PRDM2: variants seen among roughly 807,000 people sequenced by gnomAD.
PRDM2 encodes the protein PR/SET domain 2, also known as PR domain zinc finger protein 2.
PRDM2 carries 30 observed loss-of-function variants against 130.0 expected under a neutral mutation model. The observed-to-expected ratio is 0.23, with a 90% CI of 0.17 to 0.31. The LOEUF (loss-of-function observed/expected upper bound fraction) is 0.31. PRDM2 is among the 10% of genes least tolerant of loss of function. The pLI is 1.00. For missense variants in PRDM2, 2,011 were observed against 2,108.4 expected, an observed-to-expected ratio of 0.95 and a Z score of 0.90; for synonymous variants, 871 against 782.4, an observed-to-expected ratio of 1.11 and a Z score of -1.89.
chr1:13,786,426 T>G lies in PRDM2; in HGVS notation c.5036+3595T>G, dbSNP rs564027192. The G allele has an allele frequency of 4.5e-5, 68 of 1,527,916 alleles. No homozygotes were observed. In the East Asian group the frequency reaches 1.5e-3, roughly 34 times the overall value. The allele number at this position is 1,527,916 out of a possible 1,614,324, so 94.6% of individuals were successfully genotyped here. ...TGTTGTCGTCTTAATAACATTTGTC[T>G]TACGGTCTATTCACCTTTTTCTTTA... On this transcript the variant is annotated intron_variant, in intron 8 of 9. Coordinates refer to ENST00000311066, the MANE Select transcript of PRDM2 (RefSeq NM_001393986.1).
At chr1:13,776,582 T>C (rs1257764569) in intron 7 of PRDM2, among the ~76,000 whole-genome samples, 1 of 152,192 alleles carries the variant, frequency 6.6e-6, no homozygotes, top group Non-Finnish European at 1.5e-5. Flanking sequence ...TCCATCTCCT[T>C]CCATTCTCTT....
At position 13,780,009 on chromosome 1, in the gene PRDM2, C is replaced by T. The variant is rs1481974259; in HGVS notation, c.2214C>T (p.Ser738=). 3.1e-6 allele frequency: 5 copies of T among 1,614,090 alleles called. No homozygotes were observed. The highest frequency in any genetic ancestry group is 3.4e-6 in the Non-Finnish European group (4 of 1,180,052). The change falls in exon 8 of 10, where the codon AGC becomes AGT. Residue 738 remains serine, a synonymous_variant. Transcript: ENST00000311066. ...VTSSRFKRRT[S]SPPSSPQHSP... ...CAAGTAGGTTTAAGAGGCGGACCAG[C>T]TCTCCTCCCAGTTCTCCACAGCACA...
chr1:13,720,471 G>A (rs1293612187), intron 2 of PRDM2, among the ~76,000 whole-genome samples: 5 of 152,142 alleles, frequency 3.3e-5, no homozygotes, highest in Non-Finnish European at 7.4e-5. Context: ...GTCGCCAGAA[G>A]GACAGAGTAG....
chr1:13,720,241 T>C (rs1056870421), intron 2 of PRDM2, among the ~76,000 whole-genome samples: 1 of 152,260 alleles, frequency 6.6e-6, no homozygotes, highest in African/African-American at 2.4e-5. Context: ...GTGTTGACCA[T>C]GTAAGATGGT....
At chr1:13,713,786 A>G (rs975982408) in intron 1 of PRDM2, among the ~76,000 whole-genome samples, 1 of 152,184 alleles carries the variant, frequency 6.6e-6, no homozygotes, top group African/African-American at 2.4e-5. Context: ...GGAACTGGAT[A>G]GTAGTCAGTA....
At chr1:13,744,023 G>T (rs1282996420) in intron 5 of PRDM2, among the ~76,000 whole-genome samples, 1 of 152,192 alleles carries the variant, frequency 6.6e-6, no homozygotes, top group Non-Finnish European at 1.5e-5. Context: ...TTGAATCCTG[G>T]TGGAGATGAA....
Position 13,784,518 on chromosome 1 carries a change from T to A in PRDM2, c.5036+1687T>A, listed in dbSNP as rs537597972. On this transcript the variant is annotated intron_variant, in intron 8 of 9. Coordinates refer to ENST00000311066, the MANE Select transcript of PRDM2 (RefSeq NM_001393986.1). ...ACACAGTTCAAGGTTAAAGTTGATT[T>A]GGAAAAATTAAGTTCTGCAAAGAAA... Among the ~76,000 whole-genome samples, 58 of 152,330 alleles carry A rather than the reference T, an allele frequency of 3.8e-4. 1 individual carries two copies. Among genetic ancestry groups the A allele is most frequent in the Admixed American group, 1.9e-3 (29 of 15,294 alleles).
At chr1:13,789,327 T>C (rs1331137912) in intron 8 of PRDM2, among the ~76,000 whole-genome samples, 1 of 152,256 alleles carries the variant, frequency 6.6e-6, no homozygotes, top group Non-Finnish European at 1.5e-5. Flanking sequence ...ACAAGTACTT[T>C]CTAGCAAGAT....
At chr1:13,706,770 G>A (rs77092839) in intron 1 of PRDM2, among the ~76,000 whole-genome samples, 1 of 151,782 alleles carries the variant, frequency 6.6e-6, no homozygotes, top group Admixed American at 6.6e-5. Flanking sequence ...TTTATTTTGA[G>A]GAAATATACA....
chr1:13,717,010 A>G (rs1304973688), intron 2 of PRDM2, among the ~76,000 whole-genome samples: 2 of 152,186 alleles, frequency 1.3e-5, no homozygotes, highest in Non-Finnish European at 2.9e-5. Flanking sequence ...GCCAAGTTTA[A>G]TACATTCAGT....
chr1:13,749,952 G>T (rs934836063), intron 6 of PRDM2, among the ~76,000 whole-genome samples: 20 of 152,176 alleles, frequency 1.3e-4, no homozygotes, highest in Non-Finnish European at 2.5e-4. Context: ...GGCCGCGTCG[G>T]TCGCGGAGTC....
At chr1:13,787,328 C>T (rs1042588777) in intron 8 of PRDM2, 8 of 984,874 alleles carry the variant, frequency 8.1e-6, no homozygotes, top group Admixed American at 6.1e-5. Context: ...CCAGGTTTTA[C>T]ACTTGCATCT....
intron 2 of PRDM2, among the ~76,000 whole-genome samples, chr1:13,723,662 A>C (rs539155721): frequency 6.6e-6 from 1 of 152,022 alleles, no homozygotes; most frequent in East Asian, 1.9e-4. Flanking sequence ...CTTCCGTTTC[A>C]TTCTTTGATA....
chr1:13,796,677 A>G (rs1386971009), intron 8 of PRDM2, among the ~76,000 whole-genome samples: 1 of 152,194 alleles, frequency 6.6e-6, no homozygotes, highest in Admixed American at 6.5e-5. Flanking sequence ...GTTTAAGCCC[A>G]GGAAGCCAAG....
rs559675488 is a variant in PRDM2, at chr1:13,803,326, C to T, written c.5037-13101C>T. On this transcript the variant is annotated intron_variant, in intron 8 of 9. Transcript: ENST00000311066. The surrounding 1 kb of genome is among the most constrained non-coding windows in gnomAD (Gnocchi z 6.2). ...ATTTGTTCAGGAAACGTTCTCTGAG[C>T]ACCAGCCTTTGCTAGGCCCCGTGGC... Among the ~76,000 whole-genome samples the T allele has an allele frequency of 7.9e-4, 121 of 152,322 alleles. No homozygotes were observed. The highest frequency in any genetic ancestry group is 3.4e-3 in the Middle Eastern group (1 of 294).
rs111668165 is a variant in PRDM2 at position 13,741,605 on chromosome 1, C to T, written c.232-400C>T. 5.7e-3 allele frequency among the ~76,000 whole-genome samples: 870 copies of T among 152,266 alleles called. 9 individuals are homozygous for T. Among genetic ancestry groups the T allele is most frequent in the African/African-American group, 0.02 (835 of 41,550 alleles). ...ATTTGGGTGCTGCTGAATACCACTG[C>T]AAGCTGTTTTCCTTTCTAAGTCACA... On this transcript the variant is annotated intron_variant, in intron 4 of 9. Coordinates refer to ENST00000311066, the MANE Select transcript of PRDM2 (RefSeq NM_001393986.1).
chr1:13,722,722 C>A, intron 2 of PRDM2: 1 of 410,680 alleles, frequency 2.4e-6, no homozygotes, highest in Non-Finnish European at 4.9e-6. Context: ...TTAGAATCTT[C>A]TGGACAAGAG....
At chr1:13,713,157 C>T (rs981284186) in intron 1 of PRDM2, among the ~76,000 whole-genome samples, 1 of 127,086 alleles carries the variant, frequency 7.9e-6, no homozygotes, top group African/African-American at 3.1e-5. Flanking sequence ...AACTATCTCC[C>T]TCTCCATAAC....
At chr1:13,712,697 G>T (rs186182845) in intron 1 of PRDM2, among the ~76,000 whole-genome samples, 13 of 152,286 alleles carry the variant, frequency 8.5e-5, no homozygotes, top group Admixed American at 7.2e-4. Flanking sequence ...GGAGGTGGGG[G>T]CTGCAGTGAG....
Sources: allele counts gnomAD v4.1 joint callset (sites outside exome capture counted in the v4.1 genomes callset), GRCh38; gene constraint gnomAD v4.1.1; non-coding constraint Gnocchi (gnomAD v3.1); transcripts MANE v1.5; gene names NCBI Gene and HGNC (gene_info 2026-07-23, HGNC 2026-07-21).